Variants in ST8SIA2 observed in about 807,000 individuals in gnomAD.
ST8SIA2 encodes ST8 alpha-N-acetyl-neuraminide alpha-2,8-sialyltransferase 2, also known as alpha-2,8-sialyltransferase 8B.
A neutral mutation model predicts 37.6 loss-of-function variants in ST8SIA2; 22 were observed. The ratio of observed to expected loss-of-function variants is 0.58; its 90% CI spans 0.42 to 0.83. ST8SIA2 has a LOEUF of 0.83. ST8SIA2 is among the 40% of genes least tolerant of loss of function. The pLI, the probability that ST8SIA2 is intolerant of heterozygous loss-of-function variation, is 0.00. For synonymous variants in ST8SIA2, 205 were observed against 201.2 expected, an observed-to-expected ratio of 1.02 and a Z score of -0.16; for missense variants, 382 against 484.7, an observed-to-expected ratio of 0.79 and a Z score of 1.99.
At chr15:92,413,968 C>T (rs1324857326) in intron 1 of ST8SIA2, among the ~76,000 whole-genome samples, 1 of 152,228 alleles carries the variant, frequency 6.6e-6, no homozygotes, top group African/African-American at 2.4e-5. Context: ...TAGGCTGTGA[C>T]TTTCATGTCC....
chr15:92,439,435 G>C (rs1020826986), intron 4 of ST8SIA2, among the ~76,000 whole-genome samples: 6 of 152,214 alleles, frequency 3.9e-5, no homozygotes, highest in African/African-American at 1.4e-4. Context: ...ATGGAAACAA[G>C]GCTTTGCTGT....
chr15:92,445,883 C>G (rs1308222634), intron 5 of ST8SIA2, among the ~76,000 whole-genome samples: 1 of 152,158 alleles, frequency 6.6e-6, no homozygotes, highest in Admixed American at 6.5e-5. Context: ...TCCTTGTTTC[C>G]TCCCATTCAT....
chr15:92,438,239 C>T lies in ST8SIA2; in HGVS notation c.291-114C>T, dbSNP rs928431382. On this transcript the variant is annotated intron_variant, in intron 3 of 5. Transcript: ENST00000268164. ...GCATCTGAACTCTCATCATACTCTG[C>T]GTGTTTGCTGGGCTGCAGCCACCGT... The T allele has an allele frequency of 2.5e-5, 36 of 1,455,350 alleles. No individual in the cohort carries two copies. The Admixed American group carries it at 3.7e-4, about 15-fold the overall frequency. The allele number at this position is 1,455,350 out of a possible 1,614,324, so 90.2% of individuals were successfully genotyped here.
In ST8SIA2 at chr15:92,451,926, T is replaced by C. The variant is rs548201125; in HGVS notation, c.842+6997T>C. Among the ~76,000 whole-genome samples, 3 of 152,278 alleles carry C rather than the reference T, an allele frequency of 2.0e-5. No individual in the cohort carries two copies. In the South Asian group the frequency reaches 6.2e-4, roughly 32 times the overall value. ...ATAGTGATGGCACCCTAGAGAATCA[T>C]GTCAGGAAGGCCAAGGCCAGGATGG... On this transcript the variant is annotated intron_variant, in intron 5 of 5. Coordinates refer to ENST00000268164, the MANE Select transcript of ST8SIA2 (RefSeq NM_006011.4).
chr15:92,435,407 C>G (rs1248607919), intron 3 of ST8SIA2, among the ~76,000 whole-genome samples: 1 of 152,076 alleles, frequency 6.6e-6, no homozygotes. Flanking sequence ...GTGGACAGTG[C>G]TGCAGGAGCA....
At chr15:92,453,363 T>C (rs184882952) in intron 5 of ST8SIA2, among the ~76,000 whole-genome samples, 1 of 152,280 alleles carries the variant, frequency 6.6e-6, no homozygotes, top group African/African-American at 2.4e-5. Context: ...GCACATTCAC[T>C]GGTGATGTGA....
intron 1 of ST8SIA2, among the ~76,000 whole-genome samples, chr15:92,424,760 C>T (rs1054694553): frequency 1.3e-5 from 2 of 151,978 alleles, no homozygotes; most frequent in Non-Finnish European, 2.9e-5. Context: ...TACAGGCGCA[C>T]GCCATCACAC....
At chr15:92,411,713 C>T (rs1353888679) in intron 1 of ST8SIA2, among the ~76,000 whole-genome samples, 1 of 152,078 alleles carries the variant, frequency 6.6e-6, no homozygotes, top group Non-Finnish European at 1.5e-5. Context: ...GTGACTTGTC[C>T]ACAGTCACCT....
At chr15:92,416,498 G>A (rs916507093) in intron 1 of ST8SIA2, among the ~76,000 whole-genome samples, 23 of 152,192 alleles carry the variant, frequency 1.5e-4, no homozygotes, top group African/African-American at 5.3e-4. Context: ...ACCAACCCCA[G>A]CATCCTGAGG....
At chr15:92,429,802 G>A (rs1419501249) in intron 1 of ST8SIA2, among the ~76,000 whole-genome samples, 2 of 152,220 alleles carry the variant, frequency 1.3e-5, no homozygotes, top group African/African-American at 4.8e-5. Context: ...GTGAGAACCT[G>A]GCTACTTACT....
chr15:92,394,425 C>T, intron 1 of ST8SIA2, among the ~76,000 whole-genome samples: 1 of 152,172 alleles, frequency 6.6e-6, no homozygotes, highest in Non-Finnish European at 1.5e-5. Flanking sequence ...GAAGCGGACT[C>T]GCCCACCCTG....
intron 1 of ST8SIA2, among the ~76,000 whole-genome samples, chr15:92,408,318 A>T (rs12438804): frequency 6.6e-6 from 1 of 150,982 alleles, no homozygotes; most frequent in Non-Finnish European, 1.5e-5. Context: ...GAAGCTCCCT[A>T]CCTCTCTCTG....
chr15:92,433,669 T>C (rs1375586552), intron 2 of ST8SIA2, among the ~76,000 whole-genome samples: 1 of 152,212 alleles, frequency 6.6e-6, no homozygotes, highest in Non-Finnish European at 1.5e-5. Flanking sequence ...AAAATGAATG[T>C]GGGAGATCCC....
At chr15:92,422,470 T>G (rs1377394305) in intron 1 of ST8SIA2, 1 of 152,214 alleles carries the variant, frequency 6.6e-6, no homozygotes, top group African/African-American at 2.4e-5. Context: ...GGAAAGGAAC[T>G]ACCAAGACTA....
intron 1 of ST8SIA2, among the ~76,000 whole-genome samples, chr15:92,394,379 G>C (rs1404504967): frequency 6.6e-6 from 1 of 152,216 alleles, no homozygotes; most frequent in South Asian, 2.1e-4. Flanking sequence ...GTCCCCGGGC[G>C]GGGTTCACGG....
chr15:92,456,270 A>G (rs1349431634), intron 5 of ST8SIA2, among the ~76,000 whole-genome samples: 1 of 152,216 alleles, frequency 6.6e-6, no homozygotes, highest in East Asian at 1.9e-4. Flanking sequence ...TCCCATGTGC[A>G]GTCCTGGCAG....
At chr15:92,445,253 C>G (rs900740771) in intron 5 of ST8SIA2, 1 of 452,370 alleles carries the variant, frequency 2.2e-6, no homozygotes, top group Middle Eastern at 6.3e-4. Flanking sequence ...TGGCGGCTGG[C>G]AAGTCACATA....
intron 1 of ST8SIA2, among the ~76,000 whole-genome samples, chr15:92,423,649 T>C (rs2049653317): frequency 2.0e-5 from 3 of 152,210 alleles, no homozygotes; most frequent in Non-Finnish European, 4.4e-5. Context: ...CGTGACAGAA[T>C]GGCAGAAAAA....
chr15:92,441,878 C>T (rs760328714), intron 4 of ST8SIA2, among the ~76,000 whole-genome samples: 2 of 152,188 alleles, frequency 1.3e-5, no homozygotes, highest in African/African-American at 2.4e-5. Flanking sequence ...TGGAGCCAGG[C>T]AGTGGACCAG....
Sources: gnomAD v4.1 joint callset for allele counts (sites outside exome capture counted in the v4.1 genomes callset) on GRCh38, gnomAD v4.1.1 for gene constraint, MANE v1.5 for transcripts, NCBI Gene and HGNC (gene_info 2026-07-23, HGNC 2026-07-21) for gene names.